Variants in HDAC2 observed in about 807,000 individuals in gnomAD.
HDAC2 encodes the protein histone deacetylase 2.
In HDAC2, 5 loss-of-function variants were observed where a neutral mutation model predicts 68.5. That is an observed-to-expected ratio of 0.07 (90% CI 0.04 to 0.15). The LOEUF (loss-of-function observed/expected upper bound fraction) is 0.15, where lower values mean the gene tolerates loss of function less well. Ranked by LOEUF, HDAC2 falls within the 10% of genes least tolerant of loss-of-function variation. HDAC2 has a pLI of 1.00. For synonymous variants in HDAC2, 182 were observed against 191.3 expected (o/e 0.95, Z 0.40); for missense variants, 291 against 600.8 (o/e 0.48, Z 5.39).
intron 2 of HDAC2, 70 bp downstream of exon 2, chr6:113,959,836 C>A (rs1001697619): frequency 7.0e-6 from 5 of 713,618 alleles, no homozygotes; most frequent in Non-Finnish European, 9.8e-6. Context: ...GAATAATAGA[C>A]AAAGTTTCAC....
chr6:113,943,097 A>C (rs1442327374), intron 12 of HDAC2, among the ~76,000 whole-genome samples: 1 of 152,164 alleles, frequency 6.6e-6, no homozygotes, highest in East Asian at 1.9e-4. Context: ...ATCACAATGC[A>C]ATGTTCACTA....
At chr6:113,951,795 AAG>A (rs1213125257) in intron 6 of HDAC2, among the ~76,000 whole-genome samples, 1 of 152,174 alleles carries the variant, frequency 6.6e-6, no homozygotes, top group Non-Finnish European at 1.5e-5. Flanking sequence ...AAGTGAGAAA[AAG>A]AGATGTTGAA....
chr6:113,955,948 T>TAATAA, intron 5 of HDAC2, 65 bp downstream of exon 5: 1 of 1,231,274 alleles, frequency 8.1e-7, no homozygotes, highest in Non-Finnish European at 1.1e-6. Context: ...GCCATAGACT[T>TAATAA]TATTTATTGT....
At chr6:113,946,869 G>A (rs781204439) in intron 8 of HDAC2, 2 of 151,962 alleles carry the variant, frequency 1.3e-5, no homozygotes, top group Non-Finnish European at 2.9e-5. Flanking sequence ...AAAGACATTT[G>A]TGCATACTGA....
At position 113,970,913 on chromosome 6, in the gene HDAC2, T is replaced by TC. The variant is rs903193214; in HGVS notation, c.-6dup. ...GCCTCCTTGACTGTACGCCATGGGC[T>TC]CCCCGGCCACCGCCGCCACCGGGCT... On this transcript the variant is annotated 5_prime_UTR_variant, in exon 1 of 14. Coordinates refer to ENST00000519065, the MANE Select transcript of HDAC2 (RefSeq NM_001527.4). 1.3e-6 allele frequency: 2 copies of TC among 1,549,104 alleles called. No homozygotes were observed. Among genetic ancestry groups the TC allele is most frequent in the African/African-American group, 2.7e-5 (2 of 72,748 alleles).
At position 113,940,922 on chromosome 6, in the gene HDAC2, C is replaced by T. The variant is rs62415908; in HGVS notation, c.*136G>A. On this transcript the variant is annotated 3_prime_UTR_variant, in exon 14 of 14. Coordinates refer to ENST00000519065, the MANE Select transcript of HDAC2 (RefSeq NM_001527.4). ...TAAAACTTGCCAAGAAAAACAAAAA[C>T]GAAAAAGCCATTTGAAAATAAATAC... 6.1e-3 allele frequency: 3,547 copies of T among 582,768 alleles called. 18 individuals carry two copies. The highest frequency in any genetic ancestry group is 7.8e-3 in the Non-Finnish European group (2,801 of 357,150). The allele number at this position is 582,768 out of a possible 1,614,324, so 36.1% of individuals were successfully genotyped here.
chr6:113,971,146 G>A lies in HDAC2; in HGVS notation c.-238C>T, dbSNP rs935657545. The A allele has an allele frequency of 6.5e-6, 10 of 1,538,890 alleles. No individual in the cohort carries two copies. Among genetic ancestry groups the A allele is most frequent in the Admixed American group, 2.0e-5 (1 of 50,584 alleles). The stretch of plus-strand genomic sequence containing the variant: ...GGCAGCGGCACCAACTCGCGAGGAG[G>A]GGGCCACCAAACCACCTCAGGAGGC... On this transcript the variant is annotated 5_prime_UTR_variant, in exon 1 of 14. Coordinates refer to ENST00000519065, the MANE Select transcript of HDAC2 (RefSeq NM_001527.4).
intron 6 of HDAC2, among the ~76,000 whole-genome samples, chr6:113,950,430 G>C (rs1441002661): frequency 6.6e-6 from 1 of 151,598 alleles, no homozygotes; most frequent in African/African-American, 2.4e-5. Context: ...GCCCAGGATG[G>C]AGTGCAGTGG....
intron 13 of HDAC2, among the ~76,000 whole-genome samples, chr6:113,941,462 A>T (rs972263490): frequency 6.6e-6 from 1 of 152,132 alleles, no homozygotes; most frequent in Non-Finnish European, 1.5e-5. Flanking sequence ...GATAACAGCA[A>T]AAAAGGGTCT....
At chr6:113,945,714 C>T (rs1776250056) in intron 9 of HDAC2, among the ~76,000 whole-genome samples, 1 of 152,076 alleles carries the variant, frequency 6.6e-6, no homozygotes, top group Non-Finnish European at 1.5e-5. Context: ...TTTTTTGTAC[C>T]AACTTCAATG....
At chr6:113,970,293 G>A (rs977170158) in intron 1 of HDAC2, 4 of 230,170 alleles carry the variant, frequency 1.7e-5, no homozygotes, top group East Asian at 3.6e-4. Context: ...GCCGAGGAAG[G>A]AGAAGACGCT....
chr6:113,944,085 G>T (rs1055853280), intron 11 of HDAC2, among the ~76,000 whole-genome samples, 195 bp downstream of exon 11: 3 of 152,144 alleles, frequency 2.0e-5, no homozygotes, highest in Non-Finnish European at 2.9e-5. Context: ...TGTATATCCA[G>T]CCATACAAAC....
rs2114586539 is a variant in HDAC2, at chr6:113,941,691, TA to T, written c.1436+16del. The T allele has an allele frequency of 1.7e-6, 2 of 1,206,678 alleles. No homozygotes were observed. Among genetic ancestry groups the T allele is most frequent in the Non-Finnish European group, 1.2e-6 (1 of 846,370 alleles). The allele number at this position is 1,206,678 out of a possible 1,614,324, so 74.7% of individuals were successfully genotyped here. Reference sequence around the variant, plus strand: ...TTTATAGTATGTAAAAAGTACTTGATAAGGAACATCATTTACCCTTTGGTAT... The same window carrying T: ...TTTATAGTATGTAAAAAGTACTTGATAGGAACATCATTTACCCTTTGGTAT... On this transcript the variant is annotated intron_variant, in intron 13 of 13. Transcript: ENST00000519065.
At chr6:113,945,058 A>G (rs1279282022) in intron 10 of HDAC2, among the ~76,000 whole-genome samples, 1 of 152,184 alleles carries the variant, frequency 6.6e-6, no homozygotes, top group Admixed American at 6.5e-5. Flanking sequence ...TGAAGAAATT[A>G]AATGGCTGAA....
intron 5 of HDAC2, chr6:113,955,780 G>GT (rs1776538554): frequency 5.2e-6 from 2 of 382,964 alleles, no homozygotes; most frequent in Non-Finnish European, 9.2e-6. Context: ...CAAAGTGGAG[G>GT]GATTACAGGC....
Position 113,971,025 on chromosome 6 carries a change from C to A in HDAC2, c.-117G>T. On this transcript the variant is annotated 5_prime_UTR_variant, in exon 1 of 14. Coordinates refer to ENST00000519065, the MANE Select transcript of HDAC2 (RefSeq NM_001527.4). Reference sequence around the variant, plus strand: ...CTGAGGGAAACGTGGGGGCGATAGTCCCGCGGGGAAGGGCAGGCCGGTGGG... The same window carrying A: ...CTGAGGGAAACGTGGGGGCGATAGTACCGCGGGGAAGGGCAGGCCGGTGGG... The A allele has an allele frequency of 6.3e-7, 1 of 1,575,718 alleles. No individual in the cohort carries two copies. Among genetic ancestry groups the A allele is most frequent in the South Asian group, 1.1e-5 (1 of 87,006 alleles).
chr6:113,947,823 T>C (rs554847922), intron 8 of HDAC2: 1 of 152,258 alleles, frequency 6.6e-6, no homozygotes, highest in East Asian at 1.9e-4. Context: ...AATCATAACA[T>C]TAAATAAAGA....
chr6:113,952,808 T>C (rs1485364359), intron 6 of HDAC2, among the ~76,000 whole-genome samples: 1 of 152,058 alleles, frequency 6.6e-6, no homozygotes, highest in African/African-American at 2.4e-5. Context: ...ATCCTTTCTC[T>C]ACCTAAATAC....
At chr6:113,958,427 T>G in intron 3 of HDAC2, 1 of 390,444 alleles carries the variant, frequency 2.6e-6, no homozygotes, top group Non-Finnish European at 4.6e-6. Flanking sequence ...AAACTAGGAG[T>G]AGAAGAATAC....
Sources: allele counts gnomAD v4.1 joint callset (sites outside exome capture counted in the v4.1 genomes callset), GRCh38; gene constraint gnomAD v4.1.1; transcripts MANE v1.5; gene names NCBI Gene and HGNC (gene_info 2026-07-23, HGNC 2026-07-21).